GREB1L: variants seen among roughly 807,000 people sequenced by gnomAD.
GREB1L encodes GREB1-like protein.
In GREB1L, 17 loss-of-function variants were observed where a neutral mutation model predicts 200.8. The observed-to-expected ratio is 0.08, with a 90% CI of 0.06 to 0.13. GREB1L has a LOEUF of 0.13. Ranked by LOEUF, GREB1L falls within the 10% of genes least tolerant of loss-of-function variation. The probability of loss-of-function intolerance (pLI) is 1.00; values close to 1 mark genes in which losing one functional copy is unlikely to be tolerated. For synonymous variants in GREB1L, 789 were observed against 893.0 expected (o/e 0.88, Z 2.08); for missense variants, 1,657 against 2,367.7 (o/e 0.70, Z 6.23).
intron 1 of GREB1L, among the ~76,000 whole-genome samples, chr18:21,304,669 T>A (rs1255625627): frequency 1.3e-5 from 2 of 152,178 alleles, no homozygotes; most frequent in African/African-American, 2.4e-5. Context: ...ATTCTGGAGA[T>A]AGCCTTACTA....
In GREB1L at chr18:21,473,104, A is replaced by G. The variant is rs1447318758; in HGVS notation, c.2256A>G (p.Leu752=). 1 of 1,551,168 alleles carries G rather than the reference A, an allele frequency of 6.4e-7. No homozygotes were observed. Among genetic ancestry groups the G allele is most frequent in the Non-Finnish European group, 8.7e-7 (1 of 1,146,628 alleles). ...HQRAEKYVVR[L]DNEIQTKFEV... The stretch of plus-strand genomic sequence containing the variant: ...GAGCAGAAAAATATGTTGTTCGTCT[A>G]GACAATGAGATTCAAACCAAGTTTG... Residue 752 remains leucine (L), a synonymous_variant, in exon 16 of 33, where the codon CTA becomes CTG. Coordinates refer to ENST00000424526, the MANE Select transcript of GREB1L (RefSeq NM_001142966.3).
intron 15 of GREB1L, chr18:21,468,909 C>T (rs2035372867): frequency 2.4e-6 from 1 of 412,390 alleles, no homozygotes; most frequent in African/African-American, 2.1e-5. Context: ...GGCAAGAAAA[C>T]CACAAAAGTG....
intron 7 of GREB1L, among the ~76,000 whole-genome samples, chr18:21,430,993 AT>A (rs1475106768): frequency 1.7e-5 from 2 of 118,886 alleles, no homozygotes; most frequent in African/African-American, 6.6e-5. Flanking sequence ...ATTTTCATTT[AT>A]TTTATTTATT....
At position 21,369,325 on chromosome 18, in the gene GREB1L, C is replaced by G. The variant is rs77219391; in HGVS notation, c.-10+3189C>G. ...TGTTCTGGATTATTGACTGTTCTCC[C>G]TGTTGAAAAATTGGTCTCTGGTGAC... On this transcript the variant is annotated intron_variant, in intron 2 of 32. Transcript: ENST00000424526. Among the ~76,000 whole-genome samples, 326 of 152,246 alleles carry G rather than the reference C, an allele frequency of 2.1e-3. 2 individuals are homozygous for G. Among genetic ancestry groups the G allele is most frequent in the African/African-American group, 7.3e-3 (303 of 41,550 alleles).
chr18:21,385,804 G>A lies in GREB1L; in HGVS notation c.355+1401G>A, dbSNP rs188649648. 1.2e-3 allele frequency among the ~76,000 whole-genome samples: 179 copies of A among 152,310 alleles called. 4 individuals carry two copies. Among genetic ancestry groups the A allele is most frequent in the Admixed American group, 0.012 (179 of 15,300 alleles). On this transcript the variant is annotated intron_variant, in intron 4 of 32. Coordinates refer to ENST00000424526, the MANE Select transcript of GREB1L (RefSeq NM_001142966.3). ...ATTGAGAATCTTGTTATGTGTGAGAGTTACATAGAGTAAAAGCTTTAGAGG... is the reference window on the plus strand; with the variant it reads ...ATTGAGAATCTTGTTATGTGTGAGAATTACATAGAGTAAAAGCTTTAGAGG...
intron 1 of GREB1L, among the ~76,000 whole-genome samples, chr18:21,278,240 C>T (rs1386359589): frequency 4.0e-5 from 6 of 151,524 alleles, no homozygotes; most frequent in Admixed American, 2.0e-4. Context: ...ATTAGCCAGG[C>T]GTGGTGGCAG....
At chr18:21,333,424 C>T (rs1433503713) in intron 1 of GREB1L, among the ~76,000 whole-genome samples, 1 of 152,134 alleles carries the variant, frequency 6.6e-6, no homozygotes, top group African/African-American at 2.4e-5. Flanking sequence ...CCTGTAATCT[C>T]AGCACTTTGG....
At chr18:21,356,838 A>G (rs2039511685) in intron 1 of GREB1L, among the ~76,000 whole-genome samples, 1 of 152,150 alleles carries the variant, frequency 6.6e-6, no homozygotes, top group Non-Finnish European at 1.5e-5. Flanking sequence ...AACACCTGTT[A>G]TCTTTCATCT....
At chr18:21,405,438 C>T (rs1389312497) in intron 7 of GREB1L, among the ~76,000 whole-genome samples, 1 of 152,136 alleles carries the variant, frequency 6.6e-6, no homozygotes, top group African/African-American at 2.4e-5. Context: ...GTGTTTATTT[C>T]GTTTTAAGAA....
intron 1 of GREB1L, among the ~76,000 whole-genome samples, chr18:21,305,961 T>A (rs2038692751): frequency 6.6e-6 from 1 of 152,232 alleles, no homozygotes. Context: ...TGTCAACTCC[T>A]CAGAGAGGCC....
intron 1 of GREB1L, among the ~76,000 whole-genome samples, chr18:21,363,064 A>C (rs1253955934): frequency 6.6e-6 from 1 of 152,146 alleles, no homozygotes; most frequent in Non-Finnish European, 1.5e-5. Context: ...GTTGCTTTTT[A>C]ATTTCTAATG....
At chr18:21,339,192 A>AC (rs1164659633) in intron 1 of GREB1L, among the ~76,000 whole-genome samples, 11 of 152,152 alleles carry the variant, frequency 7.2e-5, no homozygotes, top group Non-Finnish European at 1.3e-4. Context: ...ATCTCAAAAA[A>AC]AAAAAAAAAT....
At chr18:21,364,722 TTGAG>T (rs1173002939) in intron 1 of GREB1L, among the ~76,000 whole-genome samples, 6 of 152,120 alleles carry the variant, frequency 3.9e-5, no homozygotes, top group African/African-American at 1.4e-4. Context: ...GGTCTTAGCT[TTGAG>T]TGTAATTAGA....
chr18:21,242,912 A>G (rs1238776945), intron 1 of GREB1L, among the ~76,000 whole-genome samples: 1 of 152,078 alleles, frequency 6.6e-6, no homozygotes. Flanking sequence ...GAGAGGATGG[A>G]TGGAGTTCAG....
In GREB1L at chr18:21,508,658, G is replaced by A. The variant is rs529566192; in HGVS notation, c.4735+67G>A. ...AAACTGAGCTCCATTCCCCTGGCATGAAACTTTCAGATTCCCCTGCCTCTA... is the reference window on the plus strand; with the variant it reads ...AAACTGAGCTCCATTCCCCTGGCATAAAACTTTCAGATTCCCCTGCCTCTA... On this transcript the variant is annotated intron_variant, in intron 27 of 32. Coordinates refer to ENST00000424526, the MANE Select transcript of GREB1L (RefSeq NM_001142966.3). 1.3e-4 allele frequency: 153 copies of A among 1,183,710 alleles called. No individual in the cohort carries two copies. The African/African-American group carries it at 2.2e-3, about 17-fold the overall frequency. The allele number at this position is 1,183,710 out of a possible 1,614,324, so 73.3% of individuals were successfully genotyped here.
intron 10 of GREB1L, among the ~76,000 whole-genome samples, chr18:21,441,817 A>G (rs2033920267): frequency 1.3e-5 from 2 of 152,198 alleles, no homozygotes; most frequent in South Asian, 2.1e-4. Context: ...GGGCGATACC[A>G]TTATAGCACA....
intron 1 of GREB1L, among the ~76,000 whole-genome samples, chr18:21,313,829 T>G (rs2038827802): frequency 6.6e-6 from 1 of 152,216 alleles, no homozygotes; most frequent in Non-Finnish European, 1.5e-5. Context: ...TGGCTCAGGT[T>G]TATGTTCTTT....
At chr18:21,315,907 C>CCGCACAT (rs547088893) in intron 1 of GREB1L, among the ~76,000 whole-genome samples, 31 of 152,298 alleles carry the variant, frequency 2.0e-4, no homozygotes, top group Non-Finnish European at 4.1e-4. Flanking sequence ...CTTACACAAC[C>CCGCACAT]CGCACATCGA....
At chr18:21,476,292 A>G (rs1343316046) in intron 16 of GREB1L, among the ~76,000 whole-genome samples, 1 of 152,132 alleles carries the variant, frequency 6.6e-6, no homozygotes, top group East Asian at 1.9e-4. Flanking sequence ...TTCAGAAGCC[A>G]GAAAGTGTTT....
Sources: gnomAD v4.1 joint callset for allele counts (sites outside exome capture counted in the v4.1 genomes callset) on GRCh38, gnomAD v4.1.1 for gene constraint, MANE v1.5 for transcripts, NCBI Gene and HGNC (gene_info 2026-07-23, HGNC 2026-07-21) for gene names.